The following COA1 variants were observed in gnomAD, a reference collection of about 807,000 sequenced individuals.
COA1 encodes the protein cytochrome c oxidase assembly factor 1.
Under a neutral mutation model 16.0 loss-of-function variants are expected in COA1, and 13 were observed. The ratio of observed to expected loss-of-function variants is 0.81; its 90% CI spans 0.53 to 1.29. The LOEUF is 1.29. Among genes scored for constraint, COA1 ranks in the 50% most tolerant of loss-of-function variants. The probability of loss-of-function intolerance (pLI) is 0.00; values close to 1 mark genes in which losing one functional copy is unlikely to be tolerated. For synonymous variants in COA1, 65 were observed against 65.7 expected, an observed-to-expected ratio of 0.99 and a Z score of 0.05; for missense variants, 179 against 177.0, an observed-to-expected ratio of 1.01 and a Z score of -0.06.
At chr7:43,619,561 T>A in intron 6 of COA1, 1 of 1,606,166 alleles carries the variant, frequency 6.2e-7, no homozygotes, top group Non-Finnish European at 8.5e-7. Context: ...TTAATCATAG[T>A]TATATTGATT....
At chr7:43,714,230 G>A (rs1379710586) in intron 1 of COA1, among the ~76,000 whole-genome samples, 2 of 151,948 alleles carry the variant, frequency 1.3e-5, no homozygotes, top group African/African-American at 4.8e-5. Flanking sequence ...TCATCTTTTT[G>A]TAATAGAGTT....
chr7:43,634,958 T>G (rs1299531692), downstream of COA1, among the ~76,000 whole-genome samples: 1 of 152,160 alleles, frequency 6.6e-6, no homozygotes, highest in Admixed American at 6.5e-5. Context: ...CCATTTGGTC[T>G]TCTCATCTTT....
chr7:43,714,775 A>G (rs148514257), intron 1 of COA1, among the ~76,000 whole-genome samples: 50 of 152,204 alleles, frequency 3.3e-4, no homozygotes, highest in African/African-American at 1.0e-3. Flanking sequence ...TGGGAAACCA[A>G]TGCAGATGGA....
intron 1 of COA1, among the ~76,000 whole-genome samples, chr7:43,691,421 A>AGGAAGGAAGGAAG (rs1554542662): frequency 1.4e-4 from 12 of 87,482 alleles, no homozygotes; most frequent in East Asian, 4.3e-4. Context: ...GGAAGAAAGA[A>AGGAAGGAAGGAAG]AAAGAAAGAA....
At chr7:43,694,005 T>C (rs978147258) in intron 1 of COA1, among the ~76,000 whole-genome samples, 2 of 151,660 alleles carry the variant, frequency 1.3e-5, no homozygotes, top group African/African-American at 4.8e-5. Flanking sequence ...GCAGATGATC[T>C]TGCTTCCTAA....
chr7:43,621,386 A>G (rs928629938), intron 6 of COA1, among the ~76,000 whole-genome samples: 3 of 152,218 alleles, frequency 2.0e-5, no homozygotes, highest in Non-Finnish European at 2.9e-5. Context: ...TGTAAGCTCA[A>G]ATACACAAGA....
intron 4 of COA1, among the ~76,000 whole-genome samples, chr7:43,644,817 G>GAGAC (rs1563230562): frequency 2.4e-5 from 3 of 126,736 alleles, no homozygotes; most frequent in Non-Finnish European, 3.8e-5. Context: ...GAGAGAGAGA[G>GAGAC]AGAGAGAGAG....
At chr7:43,709,259 C>T (rs1044147140) in intron 1 of COA1, among the ~76,000 whole-genome samples, 3 of 151,998 alleles carry the variant, frequency 2.0e-5, no homozygotes, top group African/African-American at 7.3e-5. Context: ...ATCTCCTGAC[C>T]TCGTTATCCA....
intron 6 of COA1, chr7:43,623,521 T>G: frequency 6.5e-7 from 1 of 1,528,930 alleles, no homozygotes; most frequent in Non-Finnish European, 9.0e-7. Context: ...TAGAGCAAAT[T>G]AGGAATTTTT....
At chr7:43,691,337 G>GAGAGAA (rs2094313439) in intron 1 of COA1, among the ~76,000 whole-genome samples, 1 of 32,996 alleles carries the variant, frequency 3.0e-5, no homozygotes, top group Admixed American at 2.8e-4. Context: ...AAGAGAAAGA[G>GAGAGAA]AGAGAGGGAG....
At chr7:43,624,660 G>A in intron 6 of COA1, 1 of 1,614,066 alleles carries the variant, frequency 6.2e-7, no homozygotes, top group Non-Finnish European at 8.5e-7. Context: ...AATTAATTCG[G>A]ATACCGACAA....
At chr7:43,689,513 G>A (rs1336231485) in intron 1 of COA1, among the ~76,000 whole-genome samples, 3 of 152,006 alleles carry the variant, frequency 2.0e-5, no homozygotes, top group Admixed American at 6.6e-5. Context: ...AGAAGTCTAC[G>A]CCCAGCCACA....
chr7:43,656,380 GA>G (rs2091705402), intron 1 of COA1, among the ~76,000 whole-genome samples: 1 of 152,212 alleles, frequency 6.6e-6, no homozygotes, highest in African/African-American at 2.4e-5. Context: ...AAGGAGGGCA[GA>G]AATATTCAAA....
chr7:43,691,115 T>C (rs903012114), intron 1 of COA1, among the ~76,000 whole-genome samples: 1 of 144,704 alleles, frequency 6.9e-6, no homozygotes, highest in Non-Finnish European at 1.5e-5. Context: ...CAGTAGTACA[T>C]GCCTATATAT....
At chr7:43,716,449 T>C (rs1001005873) in intron 1 of COA1, among the ~76,000 whole-genome samples, 2 of 152,054 alleles carry the variant, frequency 1.3e-5, no homozygotes, top group African/African-American at 2.4e-5. Context: ...CCCTAGAGAT[T>C]TGTGGAACTT....
chr7:43,706,215 G>T (rs916796955), intron 1 of COA1, among the ~76,000 whole-genome samples: 2 of 152,054 alleles, frequency 1.3e-5, no homozygotes, highest in Non-Finnish European at 2.9e-5. Context: ...AGAGCATTTT[G>T]ATTCAAAAGC....
At chr7:43,669,061 A>G (rs574110722) in intron 1 of COA1, among the ~76,000 whole-genome samples, 3 of 152,144 alleles carry the variant, frequency 2.0e-5, no homozygotes, top group Non-Finnish European at 2.9e-5. Context: ...ACACAGGAAC[A>G]CACCTTTCTT....
At chr7:43,679,139 C>T (rs539845910) in intron 1 of COA1, among the ~76,000 whole-genome samples, 9 of 151,866 alleles carry the variant, frequency 5.9e-5, no homozygotes, top group South Asian at 2.1e-4. Context: ...TGGTGGCGTG[C>T]GCCTGTAGTC....
chr7:43,629,219 G>T (rs745600610), intron 6 of COA1, among the ~76,000 whole-genome samples: 1 of 152,108 alleles, frequency 6.6e-6, no homozygotes, highest in Non-Finnish European at 1.5e-5. Flanking sequence ...TCAAAACTTG[G>T]TAAGTCTTGA....
Sources: allele counts gnomAD v4.1 joint callset (sites outside exome capture counted in the v4.1 genomes callset), GRCh38; gene constraint gnomAD v4.1.1; transcripts MANE v1.5; gene names NCBI Gene and HGNC (gene_info 2026-07-23, HGNC 2026-07-21).